VSTM4: variants seen among roughly 807,000 people sequenced by gnomAD.
VSTM4 encodes V-set and transmembrane domain containing 4, also known as V-set and transmembrane domain-containing protein 4.
A neutral mutation model predicts 36.4 loss-of-function variants in VSTM4; 20 were observed. The observed-to-expected ratio is 0.55, with a 90% confidence interval of 0.39 to 0.80. The LOEUF is 0.80. Among genes scored for constraint, VSTM4 ranks in the 30% least tolerant of loss-of-function variants. VSTM4 has a pLI of 0.00. For synonymous variants in VSTM4, 182 were observed against 173.9 expected (o/e 1.05, Z -0.37); for missense variants, 392 against 404.5 (o/e 0.97, Z 0.26).
intron 5 of VSTM4, among the ~76,000 whole-genome samples, chr10:49,062,768 G>A (rs892295891): frequency 6.6e-6 from 1 of 152,106 alleles, no homozygotes; most frequent in Admixed American, 6.5e-5. Flanking sequence ...GGTCCTTGAT[G>A]TCTGTTCATT....
intron 5 of VSTM4, 107 bp downstream of exon 5, chr10:49,064,596 T>C: frequency 7.7e-7 from 1 of 1,304,930 alleles, no homozygotes; most frequent in Non-Finnish European, 1.1e-6. Flanking sequence ...TGGACAAATA[T>C]GCAGACTTTT....
chr10:49,074,520 T>G (rs1020566019), intron 4 of VSTM4, among the ~76,000 whole-genome samples: 2 of 152,160 alleles, frequency 1.3e-5, no homozygotes, highest in African/African-American at 4.8e-5. Flanking sequence ...TCCTGAAGTT[T>G]TGGGGAGGGC....
At chr10:49,045,783 G>A (rs561134197) in intron 7 of VSTM4, among the ~76,000 whole-genome samples, 68 of 152,264 alleles carry the variant, frequency 4.5e-4, no homozygotes, top group African/African-American at 1.5e-3. Flanking sequence ...ATATATTGTC[G>A]TCATGTGCCC....
rs138078515 is a variant in VSTM4, at chr10:49,041,641, G to T, written c.837+5342C>A. On this transcript the variant is annotated intron_variant, in intron 7 of 7. Transcript: ENST00000332853. ...AGATAGCATTTTGCACCCAAGAGGTGCACAAAAGATTTTCATGTTTAATGG... is the reference window on the plus strand; with the variant it reads ...AGATAGCATTTTGCACCCAAGAGGTTCACAAAAGATTTTCATGTTTAATGG... Among the ~76,000 whole-genome samples the T allele has an allele frequency of 4.6e-5, 7 of 152,312 alleles. No individual in the cohort carries two copies. In the East Asian group the frequency reaches 1.3e-3, roughly 29 times the overall value.
chr10:49,056,337 G>C (rs1241554550), intron 5 of VSTM4, among the ~76,000 whole-genome samples: 1 of 152,200 alleles, frequency 6.6e-6, no homozygotes, highest in Non-Finnish European at 1.5e-5. Context: ...AGATACTTTA[G>C]TGGTGCTCCA....
intron 7 of VSTM4, among the ~76,000 whole-genome samples, chr10:49,040,794 T>C (rs1843509807): frequency 1.3e-5 from 2 of 152,132 alleles, no homozygotes; most frequent in Admixed American, 1.3e-4. Flanking sequence ...TGGCACACAA[T>C]AGGCGCCCAA....
rs944216195 is a variant in VSTM4, at chr10:49,016,159, G to C, written c.*3491C>G. ...GTTTGTTTGTTTTGCTTCCTGTTCT[G>C]GGAAGCAACTTTGATGCATACTGTA... is the stretch of plus-strand genomic sequence containing the variant. On this transcript the variant is annotated 3_prime_UTR_variant, in exon 8 of 8. Coordinates refer to ENST00000332853, the MANE Select transcript of VSTM4 (RefSeq NM_001031746.5). 2.6e-5 allele frequency: 4 copies of C among 152,118 alleles called. No homozygotes were observed. Among genetic ancestry groups the C allele is most frequent in the Admixed American group, 6.5e-5 (1 of 15,272 alleles). The allele number at this position is 152,118 out of a possible 1,614,324, so 9.4% of individuals were successfully genotyped here. A position where few individuals can be genotyped will look rare whatever the true frequency, so the allele number is the denominator to read the frequency against.
At chr10:49,062,892 G>A (rs544012770) in intron 5 of VSTM4, among the ~76,000 whole-genome samples, 36 of 152,184 alleles carry the variant, frequency 2.4e-4, no homozygotes, top group South Asian at 8.3e-4. Context: ...TATTGAGCCC[G>A]AACAGTGAGT....
At chr10:49,019,899 A>G in intron 7 of VSTM4, 124 bp from the exon 8 acceptor site, 1 of 1,231,888 alleles carries the variant, frequency 8.1e-7, no homozygotes, top group Non-Finnish European at 1.1e-6. Context: ...TAAGTGGACA[A>G]GAAATTTAAG....
intron 7 of VSTM4, among the ~76,000 whole-genome samples, chr10:49,020,597 C>T (rs917702974): frequency 1.3e-5 from 2 of 151,770 alleles, no homozygotes; most frequent in Non-Finnish European, 2.9e-5. Context: ...ACTGAAAAAA[C>T]TTTTAAATAC....
chr10:49,050,690 C>T (rs2246463), intron 5 of VSTM4, among the ~76,000 whole-genome samples: 84,035 of 152,070 alleles, frequency 0.55, 24,676 homozygotes, highest in East Asian at 0.72. Flanking sequence ...ACATATACAA[C>T]CACATGTTCA....
chr10:49,030,860 T>C (rs778439292), intron 7 of VSTM4, among the ~76,000 whole-genome samples: 1 of 152,220 alleles, frequency 6.6e-6, no homozygotes, highest in Non-Finnish European at 1.5e-5. Flanking sequence ...CAGATGCCTG[T>C]CAATGTCACC....
At chr10:49,095,994 G>A (rs1251688954) in intron 2 of VSTM4, among the ~76,000 whole-genome samples, 3 of 152,158 alleles carry the variant, frequency 2.0e-5, no homozygotes, top group Non-Finnish European at 4.4e-5. Flanking sequence ...GGGTAGGTAC[G>A]ATGAAGAATT....
intron 7 of VSTM4, among the ~76,000 whole-genome samples, chr10:49,036,121 C>T (rs1843426835): frequency 6.6e-6 from 1 of 152,142 alleles, no homozygotes; most frequent in African/African-American, 2.4e-5. Context: ...TTGATCACAT[C>T]CAGCTTACCG....
intron 5 of VSTM4, among the ~76,000 whole-genome samples, chr10:49,062,550 C>A (rs1843896547): frequency 6.6e-6 from 1 of 152,164 alleles, no homozygotes; most frequent in African/African-American, 2.4e-5. Context: ...ACTTTGTTTT[C>A]TGTTCAATTA....
At chr10:49,063,067 G>A (rs909685457) in intron 5 of VSTM4, among the ~76,000 whole-genome samples, 1 of 151,172 alleles carries the variant, frequency 6.6e-6, no homozygotes, top group Non-Finnish European at 1.5e-5. Context: ...GCCTGCAGGT[G>A]GTGCCTCATG....
chr10:49,065,287 T>A (rs1338825736), intron 4 of VSTM4, among the ~76,000 whole-genome samples: 1 of 152,222 alleles, frequency 6.6e-6, no homozygotes, highest in Non-Finnish European at 1.5e-5. Context: ...AAGTGTCCAC[T>A]CTGAGGTTCA....
rs1843097025 is a variant in VSTM4 at position 49,015,788 on chromosome 10, T to A, written c.*3862A>T. 1 of 152,202 alleles carries A rather than the reference T, an allele frequency of 6.6e-6. No individual in the cohort carries two copies. Among genetic ancestry groups the A allele is most frequent in the Non-Finnish European group, 1.5e-5 (1 of 68,036 alleles). The allele number at this position is 152,202 out of a possible 1,614,324, so 9.4% of individuals were successfully genotyped here. A position where few individuals can be genotyped will look rare whatever the true frequency, so the allele number is the denominator to read the frequency against. On this transcript the variant is annotated 3_prime_UTR_variant, in exon 8 of 8. Transcript: ENST00000332853. Reference sequence around the variant, plus strand: ...TTCCACATGGACACCAGCCTAAGCTTTAGGCTGACACAAAAAGACTCCCTC... The same window carrying A: ...TTCCACATGGACACCAGCCTAAGCTATAGGCTGACACAAAAAGACTCCCTC...
At chr10:49,059,978 G>A (rs1248828177) in intron 5 of VSTM4, among the ~76,000 whole-genome samples, 2 of 152,120 alleles carry the variant, frequency 1.3e-5, no homozygotes, top group Admixed American at 1.3e-4. Flanking sequence ...GTAATTTTTT[G>A]TATCTGGCTT....
Sources: gnomAD v4.1 joint callset for allele counts (sites outside exome capture counted in the v4.1 genomes callset) on GRCh38, gnomAD v4.1.1 for gene constraint, MANE v1.5 for transcripts, NCBI Gene and HGNC (gene_info 2026-07-23, HGNC 2026-07-21) for gene names.